Variants in CACNA1I observed in about 807,000 individuals in gnomAD.
The protein encoded by CACNA1I is voltage-dependent T-type calcium channel subunit alpha-1I.
CACNA1I carries 74 observed loss-of-function variants against 201.6 expected under a neutral mutation model. That is an observed-to-expected ratio of 0.37 (90% CI 0.30 to 0.45). The LOEUF is 0.45. Among genes scored for constraint, CACNA1I ranks in the 20% least tolerant of loss-of-function variants. The pLI is 1.00. For missense variants in CACNA1I, 2,346 were observed against 3,138.1 expected (o/e 0.75, Z 6.03); for synonymous variants, 1,431 against 1,345.2 (o/e 1.06, Z -1.40).
chr22:39,610,319 G>A (rs529832743), intron 3 of CACNA1I, among the ~76,000 whole-genome samples: 3 of 152,296 alleles, frequency 2.0e-5, no homozygotes, highest in South Asian at 2.1e-4. Flanking sequence ...ACCCAGGCAC[G>A]AAAGAGCTGG....
At chr22:39,585,756 G>T (rs1227068731) in intron 1 of CACNA1I, among the ~76,000 whole-genome samples, 1 of 124,650 alleles carries the variant, frequency 8.0e-6, no homozygotes, top group Non-Finnish European at 1.6e-5. Flanking sequence ...TTGCAATGCG[G>T]TCTCACTATG....
At position 39,665,787 on chromosome 22, in the gene CACNA1I, C is replaced by A; in HGVS notation, c.3979-94C>A. 1.3e-6 allele frequency: 2 copies of A among 1,574,152 alleles called. No individual in the cohort carries two copies. Among genetic ancestry groups the A allele is most frequent in the Non-Finnish European group, 1.7e-6 (2 of 1,149,356 alleles). ...AGACATGGGCCCAGATGACTGAGCA[C>A]AAGACAGTCTGAGTAAACGCGATCG... On this transcript the variant is annotated intron_variant, in intron 22 of 36. Transcript: ENST00000402142. The surrounding 1 kb of genome is among the most constrained non-coding windows in gnomAD (Gnocchi z 5.5).
chr22:39,651,152 G>GTCACTGGCCC lies in CACNA1I; in HGVS notation c.1992+1228_1992+1237dup, dbSNP rs56836003. ...GACCCTGAGGTCCAACGGCGGGGAA[G>GTCACTGGCCC]TCACTGGCCCGAGGTCCCGCCGCCA... On this transcript the variant is annotated intron_variant, in intron 10 of 36. Coordinates refer to ENST00000402142, the MANE Select transcript of CACNA1I (RefSeq NM_021096.4). Among the ~76,000 whole-genome samples, 1,311 of 152,290 alleles carry GTCACTGGCCC rather than the reference G, an allele frequency of 8.6e-3. 25 individuals carry two copies. The highest frequency in any genetic ancestry group is 0.03 in the African/African-American group (1,244 of 41,560).
chr22:39,653,743 G>A (rs1260429983), intron 10 of CACNA1I, among the ~76,000 whole-genome samples: 3 of 152,234 alleles, frequency 2.0e-5, no homozygotes, highest in Non-Finnish European at 1.5e-5. Flanking sequence ...GATTGCAGTT[G>A]CTCAAGCCTT....
At position 39,646,685 on chromosome 22, in the gene CACNA1I, C is replaced by G. The variant is rs1429713750; in HGVS notation, c.1266C>G (p.Ser422=). The G allele has an allele frequency of 1.9e-6, 3 of 1,588,190 alleles. No homozygotes were observed. The highest frequency in any genetic ancestry group is 2.6e-6 in the Non-Finnish European group (3 of 1,167,784). Residue 422 remains serine (S), a synonymous_variant, in exon 8 of 37, where the codon TCC becomes TCG. Transcript: ENST00000402142. ...AGCAGCGGCAGCGCTACCTGTCCTC[C>G]AGCACGGTGGCCAGCTACGCCGAGC... ...MLEQRQRYLS[S]STVASYAEPG...
chr22:39,619,100 A>T (rs934498658), intron 3 of CACNA1I, among the ~76,000 whole-genome samples: 11 of 152,144 alleles, frequency 7.2e-5, no homozygotes, highest in African/African-American at 2.4e-4. Flanking sequence ...GCCCTTGCCC[A>T]CATCTGTCAC....
rs1338321437 is a variant in CACNA1I, at chr22:39,666,235, G to A, written c.4104+229G>A. On this transcript the variant is annotated intron_variant, in intron 23 of 36. Transcript: ENST00000402142. This position sits in a 1 kb window ranked among gnomAD's most constrained non-coding sequence, Gnocchi z 4.1. ...AGTGCCCAGCAAATGCCTGCACTTA[G>A]TAGGTGCTTTGTGAACATTGGTTCT... 6.6e-6 allele frequency among the ~76,000 whole-genome samples: 1 copy of A among 152,186 alleles called. No individual in the cohort carries two copies. The highest frequency in any genetic ancestry group is 1.5e-5 in the Non-Finnish European group (1 of 68,040).
At chr22:39,654,380 G>T (rs1260327234) in intron 10 of CACNA1I, among the ~76,000 whole-genome samples, 1 of 152,182 alleles carries the variant, frequency 6.6e-6, no homozygotes, top group Non-Finnish European at 1.5e-5. Context: ...TAACCACCAA[G>T]TTGGAGAACA....
In CACNA1I at chr22:39,646,696, C is replaced by T. The variant is rs1363524374; in HGVS notation, c.1277C>T (p.Ala426Val). 22 of 1,592,162 alleles carry T rather than the reference C, an allele frequency of 1.4e-5. No individual in the cohort carries two copies. The highest frequency in any genetic ancestry group is 1.8e-5 in the Non-Finnish European group (21 of 1,169,768). The change falls in exon 8 of 37, where the codon GCC becomes GTC. Residue 426 changes from alanine to valine, a missense_variant. Coordinates refer to ENST00000402142, the MANE Select transcript of CACNA1I (RefSeq NM_021096.4). ...RQRYLSSSTV[A>V]SYAEPGDCYE... is the part of the protein sequence containing the mutation. ...CGCTACCTGTCCTCCAGCACGGTGGCCAGCTACGCCGAGCCTGGCGACTGC... is the reference window on the plus strand; with the variant it reads ...CGCTACCTGTCCTCCAGCACGGTGGTCAGCTACGCCGAGCCTGGCGACTGC...
At chr22:39,683,959 C>T (rs1397892481) in intron 35 of CACNA1I, among the ~76,000 whole-genome samples, 1 of 152,208 alleles carries the variant, frequency 6.6e-6, no homozygotes, top group East Asian at 1.9e-4. Context: ...CTGGGAGCTT[C>T]CAGCTGTTTC....
Position 39,659,353 on chromosome 22 carries a change from G to C in CACNA1I, c.2331-80G>C. 1 of 1,067,036 alleles carries C rather than the reference G, an allele frequency of 9.4e-7. No individual in the cohort carries two copies. Among genetic ancestry groups the C allele is most frequent in the Non-Finnish European group, 1.4e-6 (1 of 709,784 alleles). The allele number at this position is 1,067,036 out of a possible 1,614,324, so 66.1% of individuals were successfully genotyped here. A position where few individuals can be genotyped will look rare whatever the true frequency, so the allele number is the denominator to read the frequency against. On this transcript the variant is annotated intron_variant, in intron 12 of 36. Transcript: ENST00000402142. This position sits in a 1 kb window ranked among gnomAD's most constrained non-coding sequence, Gnocchi z 4.3. The stretch of plus-strand genomic sequence containing the variant: ...GCCTCCCCCTGCCCTGCATTTTACT[G>C]AGTTGACTGAGAATGAAACAAGGTG...
intron 4 of CACNA1I, among the ~76,000 whole-genome samples, chr22:39,623,409 C>G (rs1933806930): frequency 6.6e-6 from 1 of 151,432 alleles, no homozygotes; most frequent in Non-Finnish European, 1.5e-5. Flanking sequence ...CGTGAATGGG[C>G]ACATGTAAGG....
rs58055559 is a variant in CACNA1I at position 39,682,566 on chromosome 22, C to T, written c.5735C>T (p.Thr1912Met). The change falls in exon 35 of 37, where the codon ACG (threonine) becomes ATG (methionine). Residue 1912 changes from threonine (T) to methionine (M), a missense_variant. Physicochemically the swap from Thr to Met is moderately conservative, Grantham distance 81. Around this residue, in one of 13 missense-constraint regions of CACNA1I, gnomAD observed 441 missense variants for 555.6 expected, o/e 0.79. Transcript: ENST00000402142. ...LGECFFPLSSTAVSPDPENFL... is the reference protein window; with the variant it reads ...LGECFFPLSSMAVSPDPENFL... ...GAATGCTTCTTCCCCTTGTCCTCTA[C>T]GGCCGTCTCGCCGGATCCAGAGAAC... The T allele has an allele frequency of 1.3e-4, 207 of 1,613,574 alleles. No individual in the cohort carries two copies. Among genetic ancestry groups the T allele is most frequent in the African/African-American group, 1.1e-4 (8 of 74,902 alleles).
intron 4 of CACNA1I, among the ~76,000 whole-genome samples, chr22:39,622,617 G>T (rs1214308542): frequency 1.4e-5 from 2 of 145,860 alleles, no homozygotes; most frequent in Non-Finnish European, 3.0e-5. Flanking sequence ...CGGTGGGGGG[G>T]GCAGTGGGGG....
chr22:39,666,835 A>G lies in CACNA1I; in HGVS notation c.4104+829A>G, dbSNP rs1384720409. 6.6e-6 allele frequency among the ~76,000 whole-genome samples: 1 copy of G among 152,154 alleles called. No homozygotes were observed. The highest frequency in any genetic ancestry group is 1.5e-5 in the Non-Finnish European group (1 of 68,014). Reference sequence around the variant, plus strand: ...TTGGAGGGGTAGTGAGTGCCCAGGGAAAGGGTGTCAGGAACCAGGACAGTC... The same window carrying G: ...TTGGAGGGGTAGTGAGTGCCCAGGGGAAGGGTGTCAGGAACCAGGACAGTC... On this transcript the variant is annotated intron_variant, in intron 23 of 36. Transcript: ENST00000402142. The surrounding 1 kb of genome is among the most constrained non-coding windows in gnomAD (Gnocchi z 4.1).
In CACNA1I at chr22:39,659,634, C is replaced by G. The variant is rs1462767099; in HGVS notation, c.2449-63C>G. ...AGGGGCGGGGCTGACAACTCCCATG[C>G]CTCCTTGTAGAGCCTAGCCCTGGAC... On this transcript the variant is annotated intron_variant, in intron 13 of 36. Transcript: ENST00000402142. The surrounding 1 kb of genome is among the most constrained non-coding windows in gnomAD (Gnocchi z 4.3). 1.2e-6 allele frequency: 2 copies of G among 1,603,842 alleles called. No homozygotes were observed. Among genetic ancestry groups the G allele is most frequent in the African/African-American group, 2.7e-5 (2 of 74,748 alleles).
rs534441146 is a variant in CACNA1I, at chr22:39,649,562, C to G, written c.1629C>G (p.Pro543=). ...ATPHTLVQPI[P]ATLASDPASC... ...CCCACACCCTGGTGCAGCCCATCCC[C>G]GCCACGCTGGCTTCCGATCCCGCCA... The change falls in exon 10 of 37, where the codon CCC becomes CCG. Residue 543 remains proline (P), a synonymous_variant. Coordinates refer to ENST00000402142, the MANE Select transcript of CACNA1I (RefSeq NM_021096.4). This position sits in a 1 kb window ranked among gnomAD's most constrained non-coding sequence, Gnocchi z 7.3. 1 of 1,551,216 alleles carries G rather than the reference C, an allele frequency of 6.4e-7. No homozygotes were observed. The highest frequency in any genetic ancestry group is 1.2e-5 in the South Asian group (1 of 83,824).
chr22:39,637,382 T>TG (rs1225267443), intron 5 of CACNA1I, among the ~76,000 whole-genome samples: 1 of 151,972 alleles, frequency 6.6e-6, no homozygotes, highest in Admixed American at 6.6e-5. Context: ...TCCAGGCAGA[T>TG]GGGGGGACAG....
chr22:39,658,938 G>T lies in CACNA1I; in HGVS notation c.2152G>T (p.Glu718Ter). The change falls in exon 12 of 37, where the codon GAG becomes TAG. Residue 718 changes from glutamate to a stop codon, truncating the protein, a stop_gained. Coordinates refer to ENST00000402142, the MANE Select transcript of CACNA1I (RefSeq NM_021096.4). LOFTEE classifies it high-confidence loss of function. ...TGCCCTGCGGGACCGCAGCATCTGG[G>T]AGATTGTGGGGCAGGCGGACGGTGG... is the stretch of plus-strand genomic sequence containing the variant. The part of the protein sequence containing the change: ...DSIIVIISIW[E>*]IVGQADGGLS... 1 of 1,596,134 alleles carries T rather than the reference G, an allele frequency of 6.3e-7. No individual in the cohort carries two copies. Among genetic ancestry groups the T allele is most frequent in the Non-Finnish European group, 8.5e-7 (1 of 1,173,700 alleles).
Sources: allele counts gnomAD v4.1 joint callset (sites outside exome capture counted in the v4.1 genomes callset), GRCh38; gene constraint gnomAD v4.1.1; regional missense constraint gnomAD v4.1.1; non-coding constraint Gnocchi (gnomAD v3.1); transcripts MANE v1.5; gene names NCBI Gene and HGNC (gene_info 2026-07-23, HGNC 2026-07-21).